Variants in LDLRAD4 observed in about 807,000 individuals in gnomAD.
LDLRAD4 encodes low-density lipoprotein receptor class A domain-containing protein 4.
A neutral mutation model predicts 17.0 loss-of-function variants in LDLRAD4; 5 were observed. That is an observed-to-expected ratio of 0.29 (90% CI 0.15 to 0.62). The LOEUF (loss-of-function observed/expected upper bound fraction) is 0.62, where lower values mean the gene tolerates loss of function less well. LDLRAD4 is among the 20% of genes least tolerant of loss of function. The probability of loss-of-function intolerance (pLI) is 0.84; values close to 1 mark genes in which losing one functional copy is unlikely to be tolerated. For synonymous variants in LDLRAD4, 168 were observed against 171.8 expected, an observed-to-expected ratio of 0.98 and a Z score of 0.17; for missense variants, 340 against 424.7, an observed-to-expected ratio of 0.80 and a Z score of 1.75.
chr18:13,283,531 A>G (rs1320219701), intron 1 of LDLRAD4, among the ~76,000 whole-genome samples: 1 of 152,236 alleles, frequency 6.6e-6, no homozygotes, highest in Non-Finnish European at 1.5e-5. Flanking sequence ...TCCAGTTCCC[A>G]ACAAGTTCCT....
intron 3 of LDLRAD4, among the ~76,000 whole-genome samples, chr18:13,594,498 C>CCTA (rs1251096154): frequency 6.6e-6 from 1 of 151,382 alleles, no homozygotes; most frequent in Non-Finnish European, 1.5e-5. Flanking sequence ...GAAAGCCATC[C>CCTA]CTACTAAAAA....
chr18:13,498,759 A>ATG (rs2147233077), intron 3 of LDLRAD4, among the ~76,000 whole-genome samples: 1 of 91,106 alleles, frequency 1.1e-5, no homozygotes, highest in East Asian at 4.0e-4. Flanking sequence ...GCCCACACAC[A>ATG]TCCCGCCGTG....
At chr18:13,304,515 C>T (rs538583161) in intron 1 of LDLRAD4, among the ~76,000 whole-genome samples, 2 of 152,116 alleles carry the variant, frequency 1.3e-5, no homozygotes, top group Admixed American at 6.5e-5. Context: ...TGTCGCAGCA[C>T]AGGCTGTGGG....
At chr18:13,383,328 G>T (rs546118891) in intron 1 of LDLRAD4, among the ~76,000 whole-genome samples, 2 of 152,366 alleles carry the variant, frequency 1.3e-5, no homozygotes, top group East Asian at 1.9e-4. Context: ...TGGCACTTGT[G>T]GGGGAGACGG....
intron 1 of LDLRAD4, among the ~76,000 whole-genome samples, chr18:13,338,696 C>T (rs1040613317): frequency 2.0e-5 from 3 of 152,218 alleles, no homozygotes; most frequent in African/African-American, 7.2e-5. Flanking sequence ...TACTTCTTGA[C>T]ACTTAAGGTC....
At chr18:13,392,613 C>T (rs2086362254) in intron 2 of LDLRAD4, among the ~76,000 whole-genome samples, 1 of 152,170 alleles carries the variant, frequency 6.6e-6, no homozygotes. Context: ...TGGAATGCAT[C>T]CTTTCTGGGT....
intron 1 of LDLRAD4, among the ~76,000 whole-genome samples, chr18:13,350,689 T>G (rs1363181797): frequency 1.3e-5 from 2 of 152,228 alleles, no homozygotes; most frequent in Non-Finnish European, 2.9e-5. Context: ...GGCATTTTTG[T>G]CATGAAATCT....
exon 6 of LDLRAD4, chr18:13,647,400 C>T (rs936605536): frequency 6.6e-6 from 1 of 152,154 alleles, no homozygotes; most frequent in Non-Finnish European, 1.5e-5. Flanking sequence ...GGGTGGGCCT[C>T]TGTGGCCTCT....
rs552027762 is a variant in LDLRAD4, at chr18:13,398,325, G to A, written c.40+10563G>A. ...CATTCTGCTTTTGGAATGCTTAGGC[G>A]TGAAAGCAGCACAGCGTCACGGTGG... On this transcript the variant is annotated intron_variant, in intron 2 of 5. Transcript: ENST00000359446. This position sits in a 1 kb window ranked among gnomAD's most constrained non-coding sequence, Gnocchi z 4.8. 2.8e-4 allele frequency among the ~76,000 whole-genome samples: 43 copies of A among 152,324 alleles called. No homozygotes were observed. In the South Asian group the frequency reaches 3.3e-3, roughly 12 times the overall value.
At chr18:13,407,110 C>T (rs768697668) in intron 2 of LDLRAD4, among the ~76,000 whole-genome samples, 1 of 152,100 alleles carries the variant, frequency 6.6e-6, no homozygotes, top group Non-Finnish European at 1.5e-5. Context: ...GATGGGTTCT[C>T]TGTGTACTGT....
intron 1 of LDLRAD4, among the ~76,000 whole-genome samples, chr18:13,310,281 C>T (rs573265217): frequency 2.7e-5 from 4 of 150,610 alleles, no homozygotes; most frequent in African/African-American, 7.3e-5. Flanking sequence ...GGCAGGAGGT[C>T]GATGCTGAAG....
chr18:13,644,843 C>T (rs891451756), intron 5 of LDLRAD4: 2 of 419,776 alleles, frequency 4.8e-6, no homozygotes, highest in African/African-American at 2.0e-5. Context: ...GTAGCACGCA[C>T]AGAAACTCCC....
chr18:13,629,550 G>A (rs531310527), intron 4 of LDLRAD4, among the ~76,000 whole-genome samples: 1 of 152,286 alleles, frequency 6.6e-6, no homozygotes, highest in South Asian at 2.1e-4. Context: ...GTAAACTGAT[G>A]CTAAAGGCAG....
chr18:13,477,612 A>G (rs75263270), intron 3 of LDLRAD4, among the ~76,000 whole-genome samples: 1,782 of 152,342 alleles, frequency 0.012, 65 homozygotes, highest in East Asian at 0.11. Flanking sequence ...GATTATGGAA[A>G]GGCAATTAGA....
chr18:13,261,261 G>T (rs1435370215), intron 1 of LDLRAD4, among the ~76,000 whole-genome samples: 1 of 152,226 alleles, frequency 6.6e-6, no homozygotes, highest in Non-Finnish European at 1.5e-5. Context: ...AGACCAGCGG[G>T]TTCTTGCTGT....
intron 3 of LDLRAD4, among the ~76,000 whole-genome samples, chr18:13,603,794 C>T (rs544906788): frequency 7.8e-4 from 119 of 152,338 alleles, no homozygotes; most frequent in African/African-American, 2.7e-3. Context: ...ACAGGCCTCA[C>T]GACCCCGCTA....
chr18:13,515,345 C>G (rs1477707802), intron 3 of LDLRAD4: 3 of 152,166 alleles, frequency 2.0e-5, no homozygotes, highest in African/African-American at 7.2e-5. Flanking sequence ...AAATGTGGAG[C>G]AAAGAACAGG....
intron 3 of LDLRAD4, among the ~76,000 whole-genome samples, chr18:13,557,012 C>T (rs966458177): frequency 6.6e-6 from 1 of 152,152 alleles, no homozygotes; most frequent in Non-Finnish European, 1.5e-5. Flanking sequence ...ATAATAAGCA[C>T]GGCCAGGCTC....
At chr18:13,247,960 C>CTTTTTTT (rs34516593) in intron 1 of LDLRAD4, among the ~76,000 whole-genome samples, 2 of 132,000 alleles carry the variant, frequency 1.5e-5, no homozygotes, top group Non-Finnish European at 3.1e-5. Flanking sequence ...CGCCCCCCGC[C>CTTTTTTT]TTTTTTTTTT....
Sources: allele counts gnomAD v4.1 joint callset (sites outside exome capture counted in the v4.1 genomes callset), GRCh38; gene constraint gnomAD v4.1.1; non-coding constraint Gnocchi (gnomAD v3.1); transcripts MANE v1.5; gene names NCBI Gene and HGNC (gene_info 2026-07-23, HGNC 2026-07-21).